CRB1: variants seen among roughly 807,000 people sequenced by gnomAD.
CRB1 encodes protein crumbs homolog 1.
Under a neutral mutation model 120.0 loss-of-function variants are expected in CRB1, and 83 were observed. That is an observed-to-expected ratio of 0.69 (90% confidence interval 0.58 to 0.83). CRB1 has a LOEUF of 0.83. Among genes scored for constraint, CRB1 ranks in the 40% least tolerant of loss-of-function variants. The pLI is 0.00. For synonymous variants in CRB1, 625 were observed against 612.5 expected (o/e 1.02, Z -0.30); for missense variants, 1,699 against 1,687.6 (o/e 1.01, Z -0.12).
At chr1:197,446,610 C>A (rs1665713376) in intron 11 of CRB1, among the ~76,000 whole-genome samples, 1 of 152,156 alleles carries the variant, frequency 6.6e-6, no homozygotes, top group Admixed American at 6.5e-5. Context: ...ATCACTTGGG[C>A]TTCTACATAG....
intron 5 of CRB1, among the ~76,000 whole-genome samples, chr1:197,384,487 G>A (rs891259072): frequency 4.7e-4 from 71 of 152,238 alleles, no homozygotes; most frequent in African/African-American, 1.4e-3. Flanking sequence ...TTCCGTTTAA[G>A]ACCCTTGTCT....
chr1:197,442,550 A>C (rs1665506117), intron 11 of CRB1: 1 of 1,430,678 alleles, frequency 7.0e-7, no homozygotes, highest in African/African-American at 1.4e-5. Context: ...TTCAAGGCTT[A>C]TTTTAAACAT....
the CRB1 span, among the ~76,000 whole-genome samples, chr1:197,246,120 A>T: frequency 3.9e-5 from 6 of 151,958 alleles, no homozygotes; most frequent in Non-Finnish European, 7.4e-5. Context: ...CCTGATAGAG[A>T]TGAAAGTCCC....
intron 1 of CRB1, among the ~76,000 whole-genome samples, chr1:197,275,431 A>G (rs905744187): frequency 6.6e-6 from 1 of 152,040 alleles, no homozygotes; most frequent in Admixed American, 6.6e-5. Context: ...ATATTTGTGG[A>G]GTAAATAGTT....
intron 2 of CRB1, among the ~76,000 whole-genome samples, chr1:197,332,576 T>G (rs1045670510): frequency 5.3e-5 from 8 of 152,070 alleles, no homozygotes; most frequent in Admixed American, 2.0e-4. Context: ...GTCATAGGCT[T>G]GCTCACCAAT....
chr1:197,399,527 A>G (rs1202488897), intron 5 of CRB1, among the ~76,000 whole-genome samples: 1 of 152,220 alleles, frequency 6.6e-6, no homozygotes, highest in Non-Finnish European at 1.5e-5. Flanking sequence ...TAAAATAGAG[A>G]TTATAATGCT....
At chr1:197,351,416 A>T (rs1023607266) in intron 4 of CRB1, among the ~76,000 whole-genome samples, 17 of 151,716 alleles carry the variant, frequency 1.1e-4, no homozygotes, top group Admixed American at 9.8e-4. Flanking sequence ...AAAAAAAGAA[A>T]AGAGCATGTC....
chr1:197,424,921 A>G (rs1217817546), intron 6 of CRB1, among the ~76,000 whole-genome samples: 1 of 152,154 alleles, frequency 6.6e-6, no homozygotes, highest in Non-Finnish European at 1.5e-5. Context: ...ATATGTCTTC[A>G]GGTGTTTCTA....
chr1:197,428,114 C>T lies in CRB1; in HGVS notation c.2676+113C>T, dbSNP rs1433349307. 1.4e-5 allele frequency: 13 copies of T among 910,496 alleles called. 1 individual carries two copies. Among genetic ancestry groups the T allele is most frequent in the Middle Eastern group, 5.1e-4 (2 of 3,954 alleles). The allele number at this position is 910,496 out of a possible 1,614,324, so 56.4% of individuals were successfully genotyped here. A position where few individuals can be genotyped will look rare whatever the true frequency, so the allele number is the denominator to read the frequency against. ...ATATAAAGATGATGTTACTGACCCA[C>T]CAGTATAGAATAATATTTCATCTAT... is the stretch of plus-strand genomic sequence containing the variant. On this transcript the variant is annotated intron_variant, in intron 7 of 11. Coordinates refer to ENST00000367400, the MANE Select transcript of CRB1 (RefSeq NM_201253.3).
intron 9 of CRB1, among the ~76,000 whole-genome samples, 198 bp from the exon 10 acceptor site, chr1:197,438,349 T>A (rs1026131919): frequency 2.6e-5 from 4 of 152,178 alleles, no homozygotes; most frequent in African/African-American, 9.6e-5. Context: ...GCCATGCTTG[T>A]CACAGAACCC....
chr1:197,427,749 TCA>T lies in CRB1; in HGVS notation c.2425_2426del (p.Gln809ValfsTer28). ...KIKPYKIELY[Q>X]SSQNLGFISA... ...TCAAGCCATATAAAATTGAACTGTA[TCA>T]GTCTTCACAAAACCTAGGATTTATT... On this transcript the variant is annotated frameshift_variant, in exon 7 of 12. Transcript: ENST00000367400. LOFTEE classifies it high-confidence loss of function. 2 of 1,614,020 alleles carry T rather than the reference TCA, an allele frequency of 1.2e-6. No homozygotes were observed. Among genetic ancestry groups the T allele is most frequent in the Non-Finnish European group, 1.7e-6 (2 of 1,179,976 alleles).
chr1:197,252,036 A>G, the CRB1 span, among the ~76,000 whole-genome samples: 2 of 151,966 alleles, frequency 1.3e-5, no homozygotes, highest in African/African-American at 4.8e-5. Context: ...TATTAGACCT[A>G]GCTATCCACA....
chr1:197,387,129 C>T (rs1662256663), intron 5 of CRB1, among the ~76,000 whole-genome samples: 1 of 151,868 alleles, frequency 6.6e-6, no homozygotes, highest in African/African-American at 2.4e-5. Context: ...TTTTTTGAGA[C>T]AGTCTCTCTG....
At chr1:197,304,482 G>T (rs181945990) in intron 1 of CRB1, 15 of 655,416 alleles carry the variant, frequency 2.3e-5, no homozygotes, top group African/African-American at 1.6e-4. Context: ...TTCATCTAAA[G>T]TTAGAGGAGT....
In CRB1 at chr1:197,435,310, G is replaced by T. The variant is rs150062546; in HGVS notation, c.3447G>T (p.Leu1149Phe). ...ATGTCTGCAACTCCAACCCCTGTTT[G>T]CATGGAGGAAACTGTGAAGACATCT... ...QLNVCNSNPC[L>F]HGGNCEDIYS... The change falls in exon 9 of 12, where the codon TTG becomes TTT. Residue 1149 changes from leucine (L) to phenylalanine (F), a missense_variant. Transcript: ENST00000367400. 3.1e-6 allele frequency: 5 copies of T among 1,613,796 alleles called. No homozygotes were observed. Among genetic ancestry groups the T allele is most frequent in the Non-Finnish European group, 4.2e-6 (5 of 1,179,828 alleles).
chr1:197,400,754 A>G (rs1663025193), intron 5 of CRB1, among the ~76,000 whole-genome samples: 1 of 151,972 alleles, frequency 6.6e-6, no homozygotes, highest in Non-Finnish European at 1.5e-5. Context: ...TTTCCTTTTG[A>G]CTCTTAAAGA....
intron 5 of CRB1, among the ~76,000 whole-genome samples, chr1:197,418,145 T>C (rs2125462517): frequency 6.6e-6 from 1 of 152,296 alleles, no homozygotes; most frequent in African/African-American, 2.4e-5. Context: ...ATATCAGTTG[T>C]TCAATAGTTT....
chr1:197,278,483 G>C (rs1384843568), intron 1 of CRB1, among the ~76,000 whole-genome samples: 1 of 151,900 alleles, frequency 6.6e-6, no homozygotes, highest in African/African-American at 2.4e-5. Flanking sequence ...AATCTGCAGG[G>C]GCATTCCCTT....
the CRB1 span, among the ~76,000 whole-genome samples, chr1:197,207,435 G>C: frequency 6.6e-6 from 1 of 152,028 alleles, no homozygotes. Flanking sequence ...CTCAGCATTT[G>C]TTAGCCTGAA....
Sources: allele counts gnomAD v4.1 joint callset (sites outside exome capture counted in the v4.1 genomes callset), GRCh38; gene constraint gnomAD v4.1.1; transcripts MANE v1.5; gene names NCBI Gene and HGNC (gene_info 2026-07-23, HGNC 2026-07-21).